CCDC191: variants seen among roughly 807,000 people sequenced by gnomAD.
CCDC191 encodes the protein coiled-coil domain containing 191, also known as coiled-coil domain-containing protein 191.
A neutral mutation model predicts 114.0 loss-of-function variants in CCDC191; 99 were observed. The observed-to-expected ratio is 0.87, with a 90% CI of 0.74 to 1.03. The LOEUF is 1.03. Among genes scored for constraint, CCDC191 ranks in the 50% least tolerant of loss-of-function variants. CCDC191 has a pLI of 0.00. For missense variants in CCDC191, 973 were observed against 1,087.0 expected (o/e 0.90, Z 1.47); for synonymous variants, 351 against 376.0 (o/e 0.93, Z 0.77).
In CCDC191 at chr3:113,964,799, G is replaced by C. The variant is rs1939946748; in HGVS notation, c.*356C>G. ...CCCCTGTTTATTTCTGTTTCATTAAGGTCACATCAGCAACTCCTGTCGTGC... is the reference window on the plus strand; with the variant it reads ...CCCCTGTTTATTTCTGTTTCATTAACGTCACATCAGCAACTCCTGTCGTGC... On this transcript the variant is annotated 3_prime_UTR_variant, in exon 17 of 17. Coordinates refer to ENST00000295878, the MANE Select transcript of CCDC191 (RefSeq NM_020817.2). 6.4e-6 allele frequency: 1 copy of C among 156,466 alleles called. No individual in the cohort carries two copies. The highest frequency in any genetic ancestry group is 2.4e-5 in the African/African-American group (1 of 41,648). The allele number at this position is 156,466 out of a possible 1,614,324, so 9.7% of individuals were successfully genotyped here. A position where few individuals can be genotyped will look rare whatever the true frequency, so the allele number is the denominator to read the frequency against.
chr3:113,966,561 A>G (rs28453166), intron 16 of CCDC191, among the ~76,000 whole-genome samples: 1 of 152,216 alleles, frequency 6.6e-6, no homozygotes, highest in South Asian at 2.1e-4. Flanking sequence ...AGAGGAGAGC[A>G]CATCTTGAGT....
chr3:114,033,886 G>A (rs1261981229), intron 6 of CCDC191, among the ~76,000 whole-genome samples: 1 of 152,146 alleles, frequency 6.6e-6, no homozygotes, highest in Non-Finnish European at 1.5e-5. Flanking sequence ...GCAATCAAGA[G>A]CACAGGGGGG....
chr3:114,006,615 T>TATATATAA lies in CCDC191; in HGVS notation c.1414-654_1414-653insTTATATAT, dbSNP rs1371654689. 8.4e-4 allele frequency among the ~76,000 whole-genome samples: 71 copies of TATATATAA among 84,718 alleles called. 1 individual carries two copies. In the Middle Eastern group the frequency reaches 0.023, roughly 28 times the overall value. The allele number at this position is 84,718 out of a possible 152,430, so 55.6% of individuals were successfully genotyped here. On this transcript the variant is annotated intron_variant, in intron 9 of 16. Coordinates refer to ENST00000295878, the MANE Select transcript of CCDC191 (RefSeq NM_020817.2). ...ATATATATATATATATATATATATA[T>TATATATAA]ATAAATATATATATTTTATATATAA...
chr3:113,997,082 G>A (rs759412020), intron 13 of CCDC191, among the ~76,000 whole-genome samples: 1 of 152,162 alleles, frequency 6.6e-6, no homozygotes, highest in Non-Finnish European at 1.5e-5. Context: ...ACACTGTACT[G>A]TATTTGGTAA....
At chr3:113,993,279 G>C (rs1378289554) in intron 13 of CCDC191, among the ~76,000 whole-genome samples, 1 of 152,030 alleles carries the variant, frequency 6.6e-6, no homozygotes, top group Non-Finnish European at 1.5e-5. Context: ...GATTCATATG[G>C]AAAGTCAAAT....
chr3:113,994,547 C>T (rs1451457401), intron 13 of CCDC191, among the ~76,000 whole-genome samples: 1 of 151,302 alleles, frequency 6.6e-6, no homozygotes, highest in Non-Finnish European at 1.5e-5. Context: ...TAGGTATTTA[C>T]CTAAGTGAAT....
intron 2 of CCDC191, among the ~76,000 whole-genome samples, chr3:114,052,599 T>C (rs528316037): frequency 1.2e-4 from 19 of 152,338 alleles, no homozygotes; most frequent in Admixed American, 3.9e-4. Flanking sequence ...ATTACATCTT[T>C]AATTCTCTCA....
At position 113,965,141 on chromosome 3, in the gene CCDC191, T is replaced by C; in HGVS notation, c.*14A>G. 2.6e-6 allele frequency: 4 copies of C among 1,556,250 alleles called. No individual in the cohort carries two copies. Among genetic ancestry groups the C allele is most frequent in the Non-Finnish European group, 2.6e-6 (3 of 1,145,828 alleles). Reference sequence around the variant, plus strand: ...TAGTCGAGCTTCCTGTCCTAAATATTACACTAATCTGGCTCATTCGTTCAC... The same window carrying C: ...TAGTCGAGCTTCCTGTCCTAAATATCACACTAATCTGGCTCATTCGTTCAC... On this transcript the variant is annotated 3_prime_UTR_variant, in exon 17 of 17. Transcript: ENST00000295878.
chr3:114,040,775 T>C (rs1391913342), intron 4 of CCDC191, among the ~76,000 whole-genome samples: 1 of 152,140 alleles, frequency 6.6e-6, no homozygotes, highest in Non-Finnish European at 1.5e-5. Flanking sequence ...TGCATTTATA[T>C]TTAATGTAAT....
Position 113,980,232 on chromosome 3 carries a change from A to C in CCDC191, c.2307+418T>G, listed in dbSNP as rs146316730. Among the ~76,000 whole-genome samples the C allele has an allele frequency of 5.1e-3, 784 of 152,308 alleles. 8 individuals carry two copies. The highest frequency in any genetic ancestry group is 0.018 in the African/African-American group (749 of 41,576). On this transcript the variant is annotated intron_variant, in intron 14 of 16. Coordinates refer to ENST00000295878, the MANE Select transcript of CCDC191 (RefSeq NM_020817.2). ...GAGGCTTGGGGAGAGACCTGAACTC[A>C]ATCCACAACTGGCCCACAGACATAT...
At chr3:113,981,250 T>C (rs2075138846) in intron 13 of CCDC191, among the ~76,000 whole-genome samples, 1 of 152,150 alleles carries the variant, frequency 6.6e-6, no homozygotes, top group South Asian at 2.1e-4. Context: ...GAACAATAAG[T>C]CCAGAGGCAA....
intron 13 of CCDC191, among the ~76,000 whole-genome samples, chr3:113,997,484 C>G (rs1372864102): frequency 6.6e-6 from 1 of 152,054 alleles, no homozygotes; most frequent in Non-Finnish European, 1.5e-5. Flanking sequence ...TTCCAAATAC[C>G]ATTTATAACT....
chr3:114,005,813 C>T lies in CCDC191; in HGVS notation c.1563G>A (p.Lys521=). 1.2e-6 allele frequency: 2 copies of T among 1,614,000 alleles called. No individual in the cohort carries two copies. The highest frequency in any genetic ancestry group is 2.2e-5 in the South Asian group (2 of 91,074). ...SLSAPGNKQH[K]TLGAEPSQQP... ...GTTGAGAGGGTTCAGCACCCAGGGT[C>T]TTGTGCTGCTTATTGCCAGGTGCAC... Residue 521 remains lysine, a synonymous_variant, in exon 10 of 17, where the codon AAG becomes AAA. Coordinates refer to ENST00000295878, the MANE Select transcript of CCDC191 (RefSeq NM_020817.2).
intron 13 of CCDC191, among the ~76,000 whole-genome samples, chr3:113,993,121 A>C (rs1421287355): frequency 6.6e-6 from 1 of 152,162 alleles, no homozygotes; most frequent in East Asian, 1.9e-4. Flanking sequence ...ATGATAAAAA[A>C]AAATTTCAGT....
chr3:113,977,213 C>T (rs1941431856), intron 16 of CCDC191, among the ~76,000 whole-genome samples: 1 of 152,130 alleles, frequency 6.6e-6, no homozygotes, highest in Non-Finnish European at 1.5e-5. Context: ...ATGAGAATTG[C>T]GTGAACCCAG....
At chr3:114,016,052 CG>C (rs1416672458) in intron 8 of CCDC191, among the ~76,000 whole-genome samples, 2 of 152,164 alleles carry the variant, frequency 1.3e-5, no homozygotes, top group Admixed American at 1.3e-4. Flanking sequence ...CCCTTCATGG[CG>C]GACAGGCCAG....
intron 3 of CCDC191, among the ~76,000 whole-genome samples, chr3:114,046,188 A>T (rs1226398690): frequency 6.6e-6 from 1 of 152,216 alleles, no homozygotes; most frequent in Non-Finnish European, 1.5e-5. Flanking sequence ...AAATTCCAGA[A>T]GAGTAAATGC....
intron 13 of CCDC191, among the ~76,000 whole-genome samples, chr3:114,001,098 G>A (rs976467390): frequency 2.0e-5 from 3 of 152,010 alleles, no homozygotes; most frequent in Admixed American, 2.0e-4. Context: ...TTTCTTCTGT[G>A]TGTATTATTA....
intron 7 of CCDC191, among the ~76,000 whole-genome samples, chr3:114,029,521 G>A (rs145702942): frequency 3.9e-5 from 6 of 152,282 alleles, no homozygotes; most frequent in Non-Finnish European, 7.4e-5. Context: ...ATTAACAATT[G>A]TTGCAGGCAA....
Sources: allele counts gnomAD v4.1 joint callset (sites outside exome capture counted in the v4.1 genomes callset), GRCh38; gene constraint gnomAD v4.1.1; transcripts MANE v1.5; gene names NCBI Gene and HGNC (gene_info 2026-07-23, HGNC 2026-07-21).